Variants in TARBP1 observed in about 807,000 individuals in gnomAD.
The protein encoded by TARBP1 is tRNA (guanosine(18)-2'-O)-methyltransferase TARBP1.
TARBP1 carries 144 observed loss-of-function variants against 178.6 expected under a neutral mutation model. The ratio of observed to expected loss-of-function variants is 0.81; its 90% CI spans 0.70 to 0.93. The LOEUF (loss-of-function observed/expected upper bound fraction) is 0.93. Among genes scored for constraint, TARBP1 ranks in the 40% least tolerant of loss-of-function variants. The pLI, the probability that TARBP1 is intolerant of heterozygous loss-of-function variation, is 0.00. For synonymous variants in TARBP1, 787 were observed against 781.0 expected (o/e 1.01, Z -0.13); for missense variants, 2,067 against 2,011.7 (o/e 1.03, Z -0.53).
At chr1:234,475,989 T>C (rs1360659001) in intron 1 of TARBP1, among the ~76,000 whole-genome samples, 1 of 152,098 alleles carries the variant, frequency 6.6e-6, no homozygotes, top group Non-Finnish European at 1.5e-5. Context: ...CAGGCAGAAA[T>C]ATTTACTTCC....
At chr1:234,427,456 T>C in intron 18 of TARBP1, 68 bp from the exon 19 acceptor site, 1 of 1,472,930 alleles carries the variant, frequency 6.8e-7, no homozygotes, top group Admixed American at 2.3e-5. Context: ...ATCCCCAAGG[T>C]TAAAGTTAAC....
Position 234,410,776 on chromosome 1 carries a change from C to G in TARBP1, c.3706-245G>C, listed in dbSNP as rs16843058. On this transcript the variant is annotated intron_variant, in intron 22 of 29. Coordinates refer to ENST00000040877, the MANE Select transcript of TARBP1 (RefSeq NM_005646.4). ...GCAGGTCACATAAAGTACTGAATAACTCAACTCTAAGTACAGCGGGGCACA... is the reference window on the plus strand; with the variant it reads ...GCAGGTCACATAAAGTACTGAATAAGTCAACTCTAAGTACAGCGGGGCACA... 4.3e-3 allele frequency among the ~76,000 whole-genome samples: 649 copies of G among 152,308 alleles called. 5 individuals are homozygous for G. The highest frequency in any genetic ancestry group is 0.015 in the African/African-American group (632 of 41,576).
At chr1:234,439,495 T>C (rs1456701885) in intron 12 of TARBP1, among the ~76,000 whole-genome samples, 1 of 152,054 alleles carries the variant, frequency 6.6e-6, no homozygotes, top group Non-Finnish European at 1.5e-5. Context: ...GAATACTAAA[T>C]AATGTTCAAA....
chr1:234,425,810 A>G lies in TARBP1; in HGVS notation c.3324-17T>C, dbSNP rs764245226. The G allele has an allele frequency of 6.6e-7, 1 of 1,505,584 alleles. No homozygotes were observed. The highest frequency in any genetic ancestry group is 1.2e-5 in the South Asian group (1 of 82,264). 93.3% of individuals were successfully genotyped at this position (1,505,584 alleles called of 1,614,324 possible). On this transcript the variant is annotated splice_polypyrimidine_tract_variant and intron_variant, in intron 19 of 29. Transcript: ENST00000040877. ...CTCTTAGTACTAAAAAAATTAAATG[A>G]TAAATTATGTTAATACATTTTGAAA...
intron 22 of TARBP1, among the ~76,000 whole-genome samples, chr1:234,412,572 G>A (rs1661944555): frequency 6.6e-6 from 1 of 152,132 alleles, no homozygotes. Context: ...AGAGGGCTGA[G>A]GCAGGAGGAT....
chr1:234,441,028 A>T (rs1315971788), intron 12 of TARBP1, among the ~76,000 whole-genome samples: 1 of 152,132 alleles, frequency 6.6e-6, no homozygotes, highest in African/African-American at 2.4e-5. Context: ...TACTAAAAAT[A>T]CAAAGATTAA....
chr1:234,419,493 G>C (rs1050816015), intron 21 of TARBP1, among the ~76,000 whole-genome samples: 1 of 152,064 alleles, frequency 6.6e-6, no homozygotes, highest in African/African-American at 2.4e-5. Flanking sequence ...CTATCATGAA[G>C]GTTAAACAAA....
intron 3 of TARBP1, among the ~76,000 whole-genome samples, chr1:234,469,351 T>C (rs934569349): frequency 6.6e-6 from 1 of 152,174 alleles, no homozygotes; most frequent in Non-Finnish European, 1.5e-5. Context: ...TTCAACTCTT[T>C]GGCAATGGTA....
rs1664142150 is a variant in TARBP1, at chr1:234,429,343, A to G, written c.2872-19T>C. On this transcript the variant is annotated intron_variant, in intron 16 of 29. Coordinates refer to ENST00000040877, the MANE Select transcript of TARBP1 (RefSeq NM_005646.4). ...TCAGAAGCTGGTAGGAAAAAAAAAA[A>G]TACATACTTATTTCAAAAACTTGAT... 1 of 1,566,666 alleles carries G rather than the reference A, an allele frequency of 6.4e-7. No individual in the cohort carries two copies. Among genetic ancestry groups the G allele is most frequent in the Non-Finnish European group, 8.6e-7 (1 of 1,163,352 alleles).
At chr1:234,433,362 G>A (rs1226305954) in intron 14 of TARBP1, 48 bp downstream of exon 14, 2 of 1,571,260 alleles carry the variant, frequency 1.3e-6, no homozygotes, top group Middle Eastern at 1.7e-4. Context: ...TGTATTCCCT[G>A]TATGCCTTAT....
chr1:234,456,797 C>G (rs750407564), intron 9 of TARBP1, among the ~76,000 whole-genome samples: 1 of 152,064 alleles, frequency 6.6e-6, no homozygotes, highest in Non-Finnish European at 1.5e-5. Flanking sequence ...TTTAGTTTGA[C>G]GGTAGGCATT....
At chr1:234,395,426 G>C (rs1294471917) in intron 26 of TARBP1, among the ~76,000 whole-genome samples, 4 of 152,186 alleles carry the variant, frequency 2.6e-5, no homozygotes, top group Non-Finnish European at 1.5e-5. Flanking sequence ...AGGGGCTAAA[G>C]AAGAGGAGGA....
chr1:234,470,190 C>T (rs1668900129), intron 3 of TARBP1, among the ~76,000 whole-genome samples: 1 of 152,006 alleles, frequency 6.6e-6, no homozygotes, highest in African/African-American at 2.4e-5. Context: ...TTGCCTGAAC[C>T]CGGGAAGCAG....
intron 26 of TARBP1, among the ~76,000 whole-genome samples, chr1:234,395,173 G>A: frequency 6.6e-6 from 1 of 152,186 alleles, no homozygotes; most frequent in Admixed American, 6.5e-5. Context: ...GCAGTGAGCT[G>A]AGATCGTGCC....
In TARBP1 at chr1:234,450,413, T is replaced by C; in HGVS notation, c.1861+15A>G. The C allele has an allele frequency of 6.4e-7, 1 of 1,553,166 alleles. No individual in the cohort carries two copies. Among genetic ancestry groups the C allele is most frequent in the African/African-American group, 1.4e-5 (1 of 71,376 alleles). On this transcript the variant is annotated intron_variant, in intron 10 of 29. Coordinates refer to ENST00000040877, the MANE Select transcript of TARBP1 (RefSeq NM_005646.4). ...TTTTGGTTATATCAATCCATAAAAA[T>C]GATTGCAGACTTACTTTCCCAAGCA...
rs972924759 is a variant in TARBP1 at position 234,391,522 on chromosome 1, A to G, written c.*55T>C. On this transcript the variant is annotated 3_prime_UTR_variant, in exon 30 of 30. Coordinates refer to ENST00000040877, the MANE Select transcript of TARBP1 (RefSeq NM_005646.4). ...TTCAGAATCTGTTTCTTTAGTCCAAATAGTTTTTTTTAAAAAAGTCTGAAC... is the reference window on the plus strand; with the variant it reads ...TTCAGAATCTGTTTCTTTAGTCCAAGTAGTTTTTTTTAAAAAAGTCTGAAC... The G allele has an allele frequency of 2.7e-6, 4 of 1,507,070 alleles. No homozygotes were observed. The African/African-American group carries it at 4.2e-5, about 16-fold the overall frequency. The allele number at this position is 1,507,070 out of a possible 1,614,324, so 93.4% of individuals were successfully genotyped here. A position where few individuals can be genotyped will look rare whatever the true frequency, so the allele number is the denominator to read the frequency against.
At chr1:234,401,919 C>T (rs1270233966) in intron 24 of TARBP1, among the ~76,000 whole-genome samples, 1 of 152,152 alleles carries the variant, frequency 6.6e-6, no homozygotes, top group Non-Finnish European at 1.5e-5. Flanking sequence ...CACCTCCTTA[C>T]CCACCTGTCC....
At chr1:234,446,057 A>AGGG (rs1666142514) in intron 12 of TARBP1, among the ~76,000 whole-genome samples, 1 of 128,964 alleles carries the variant, frequency 7.8e-6, no homozygotes, top group Non-Finnish European at 1.7e-5. Context: ...AATATTTTTT[A>AGGG]TATTTCATAA....
At chr1:234,445,297 G>A (rs1666038279) in intron 12 of TARBP1, among the ~76,000 whole-genome samples, 1 of 151,992 alleles carries the variant, frequency 6.6e-6, no homozygotes, top group Non-Finnish European at 1.5e-5. Flanking sequence ...AGTCCCCAAG[G>A]TACTTGGACC....
Sources: allele counts gnomAD v4.1 joint callset (sites outside exome capture counted in the v4.1 genomes callset), GRCh38; gene constraint gnomAD v4.1.1; transcripts MANE v1.5; gene names NCBI Gene and HGNC (gene_info 2026-07-23, HGNC 2026-07-21).